The following CBLB variants were observed in gnomAD, a reference collection of about 807,000 sequenced individuals.
CBLB encodes Cbl proto-oncogene B.
In CBLB, 31 loss-of-function variants were observed where a neutral mutation model predicts 104.9. The ratio of observed to expected loss-of-function variants is 0.30; its 90% CI spans 0.22 to 0.40. The LOEUF is 0.40. Ranked by LOEUF, CBLB falls within the 10% of genes least tolerant of loss-of-function variation. The pLI, the probability that CBLB is intolerant of heterozygous loss-of-function variation, is 1.00. For missense variants in CBLB, 1,062 were observed against 1,214.6 expected (o/e 0.87, Z 1.87); for synonymous variants, 440 against 422.6 (o/e 1.04, Z -0.51).
chr3:105,790,834 C>G (rs2152994375), intron 3 of CBLB, among the ~76,000 whole-genome samples: 1 of 152,246 alleles, frequency 6.6e-6, no homozygotes, highest in East Asian at 1.9e-4. Flanking sequence ...GATGTGTATT[C>G]AGGAAAGAGG....
chr3:105,815,867 A>G (rs1039831429), intron 3 of CBLB, among the ~76,000 whole-genome samples: 2 of 152,220 alleles, frequency 1.3e-5, no homozygotes, highest in Non-Finnish European at 2.9e-5. Flanking sequence ...ATGCAGCCAT[A>G]AAAAAGAATG....
chr3:105,815,686 C>A (rs2084948472), intron 3 of CBLB, among the ~76,000 whole-genome samples: 1 of 152,154 alleles, frequency 6.6e-6, no homozygotes. Context: ...ACCCCATAAT[C>A]CCATTACTGG....
At position 105,779,747 on chromosome 3, in the gene CBLB, T is replaced by C. The variant is rs534764607; in HGVS notation, c.420-3205A>G. Among the ~76,000 whole-genome samples, 143 of 152,290 alleles carry C rather than the reference T, an allele frequency of 9.4e-4. 1 individual carries two copies. The highest frequency in any genetic ancestry group is 2.7e-3 in the Admixed American group (42 of 15,300). On this transcript the variant is annotated intron_variant, in intron 3 of 18. Coordinates refer to ENST00000394030, the MANE Select transcript of CBLB (RefSeq NM_170662.5). ...CTAATTTCATTTAAATTTGTTATCA[T>C]AGAAAATACGTTTTCTTTTTTATAT...
At chr3:105,659,918 A>C (rs1576073031) in intron 18 of CBLB, among the ~76,000 whole-genome samples, 2 of 152,170 alleles carry the variant, frequency 1.3e-5, no homozygotes, top group South Asian at 4.1e-4. Flanking sequence ...TACAGATTGC[A>C]ATGTAGGAAG....
intron 3 of CBLB, among the ~76,000 whole-genome samples, chr3:105,795,352 A>G (rs2082141444): frequency 6.6e-6 from 1 of 152,250 alleles, no homozygotes; most frequent in African/African-American, 2.4e-5. Flanking sequence ...TGATCGAAAG[A>G]AACCAAAAAC....
chr3:105,812,775 C>T (rs2084486036), intron 3 of CBLB, among the ~76,000 whole-genome samples: 1 of 152,104 alleles, frequency 6.6e-6, no homozygotes, highest in Non-Finnish European at 1.5e-5. Flanking sequence ...TTTGTGCTTC[C>T]TATTTCTATA....
intron 3 of CBLB, among the ~76,000 whole-genome samples, chr3:105,790,967 A>G (rs2081565691): frequency 1.3e-5 from 2 of 152,224 alleles, no homozygotes. Flanking sequence ...TGCATGTGCA[A>G]CCATGCTTCC....
chr3:105,668,837 TTAA>T (rs1448689505), intron 18 of CBLB, among the ~76,000 whole-genome samples: 1 of 152,180 alleles, frequency 6.6e-6, no homozygotes, highest in African/African-American at 2.4e-5. Flanking sequence ...AAACAGCTCA[TTAA>T]TTATCTTGAT....
intron 12 of CBLB, among the ~76,000 whole-genome samples, chr3:105,698,707 C>A (rs928130827): frequency 1.3e-5 from 2 of 151,164 alleles, no homozygotes; most frequent in African/African-American, 4.9e-5. Flanking sequence ...ACTCTTTAAT[C>A]CAATGATAAA....
chr3:105,691,760 A>G (rs914981441), intron 13 of CBLB, among the ~76,000 whole-genome samples: 2 of 152,188 alleles, frequency 1.3e-5, no homozygotes, highest in Non-Finnish European at 2.9e-5. Flanking sequence ...CGCAGTTCCA[A>G]GAGAAGTTCC....
intron 1 of CBLB, chr3:105,868,145 C>T: frequency 8.9e-7 from 1 of 1,121,134 alleles, no homozygotes. Context: ...ACACTAAAAC[C>T]ACCAAGTACG....
chr3:105,727,324 A>T (rs1374357535), intron 9 of CBLB, among the ~76,000 whole-genome samples: 2 of 151,816 alleles, frequency 1.3e-5, no homozygotes, highest in African/African-American at 4.8e-5. Context: ...GCTTTTTTTC[A>T]TGTTTGCTGG....
intron 4 of CBLB, among the ~76,000 whole-genome samples, chr3:105,776,018 T>G (rs2079414501): frequency 6.6e-6 from 1 of 152,278 alleles, no homozygotes; most frequent in South Asian, 2.1e-4. Flanking sequence ...TCACAGCAAT[T>G]TACTTATGCC....
rs558305800 is a variant in CBLB at position 105,758,760 on chromosome 3, C to A, written c.567-7142G>T. 2.0e-5 allele frequency among the ~76,000 whole-genome samples: 3 copies of A among 152,366 alleles called. No homozygotes were observed. In the East Asian group the frequency reaches 5.8e-4, roughly 29 times the overall value. On this transcript the variant is annotated intron_variant, in intron 4 of 18. Transcript: ENST00000394030. Reference sequence around the variant, plus strand: ...CAAGCCAGTGGCTGGATCTGATGCACAGCAAGTGGCTTCCACTGTGGGCAC... The same window carrying A: ...CAAGCCAGTGGCTGGATCTGATGCAAAGCAAGTGGCTTCCACTGTGGGCAC...
intron 13 of CBLB, among the ~76,000 whole-genome samples, chr3:105,691,390 C>T (rs2067676542): frequency 1.3e-5 from 2 of 152,300 alleles, no homozygotes; most frequent in African/African-American, 2.4e-5. Context: ...ATTTTAGATG[C>T]ACTTACCAAC....
chr3:105,838,704 T>C (rs1423483191), intron 3 of CBLB, among the ~76,000 whole-genome samples: 1 of 148,568 alleles, frequency 6.7e-6, no homozygotes, highest in Non-Finnish European at 1.5e-5. Flanking sequence ...GGCTGGAGTG[T>C]AGTAGTGTGA....
At chr3:105,717,045 C>A (rs945421350) in intron 10 of CBLB, among the ~76,000 whole-genome samples, 1 of 152,066 alleles carries the variant, frequency 6.6e-6, no homozygotes, top group Non-Finnish European at 1.5e-5. Context: ...CATTTCCTTT[C>A]GATTGTTAGT....
rs1350933970 is a variant in CBLB, at chr3:105,746,006, G to GA, written c.755dup (p.Ala254SerfsTer14). Reference sequence around the variant, plus strand: ...TGTAACCTGGATGTGTCACAGCTAAGAAATTCCAATTCCGCAAAATAGAGC... The same window carrying GA: ...TGTAACCTGGATGTGTCACAGCTAAGAAAATTCCAATTCCGCAAAATAGAGC... On this transcript the variant is annotated frameshift_variant, in exon 6 of 19. Transcript: ENST00000394030. LOFTEE classifies it high-confidence loss of function. 6.2e-7 allele frequency: 1 copy of GA among 1,610,228 alleles called. No homozygotes were observed. The highest frequency in any genetic ancestry group is 1.3e-5 in the African/African-American group (1 of 74,762).
chr3:105,842,692 T>G (rs1458622512), intron 3 of CBLB, among the ~76,000 whole-genome samples: 1 of 152,168 alleles, frequency 6.6e-6, no homozygotes, highest in Non-Finnish European at 1.5e-5. Context: ...CTTTCCTGCC[T>G]TGTGTCCTTA....
Sources: gnomAD v4.1 joint callset for allele counts (sites outside exome capture counted in the v4.1 genomes callset) on GRCh38, gnomAD v4.1.1 for gene constraint, MANE v1.5 for transcripts, NCBI Gene and HGNC (gene_info 2026-07-23, HGNC 2026-07-21) for gene names.